PCDHGA2: variants seen among roughly 807,000 people sequenced by gnomAD.
PCDHGA2 encodes protocadherin gamma-A2.
In PCDHGA2, 40 loss-of-function variants were observed where a neutral mutation model predicts 59.2. The ratio of observed to expected loss-of-function variants is 0.68; its 90% confidence interval spans 0.52 to 0.88. The LOEUF is 0.88. PCDHGA2 is among the 40% of genes least tolerant of loss of function. The pLI is 0.00. For missense variants in PCDHGA2, 1,226 were observed against 1,204.0 expected, an observed-to-expected ratio of 1.02 and a Z score of -0.27; for synonymous variants, 560 against 526.0, an observed-to-expected ratio of 1.06 and a Z score of -0.89.
chr5:141,355,288 C>G lies in PCDHGA2; in HGVS notation c.2424+13893C>G, dbSNP rs73265823. 2,688 of 1,613,834 alleles carry G rather than the reference C, an allele frequency of 1.7e-3. 40 individuals carry two copies. In the African/African-American group the frequency reaches 0.032, roughly 19 times the overall value. On this transcript the variant is annotated intron_variant, in intron 1 of 3. Transcript: ENST00000394576. The stretch of plus-strand genomic sequence containing the variant: ...GGTTCTGGTGGAAATCAGGGCCGAA[C>G]AGATTCTCTACTCGGTGTTTGAGGA...
chr5:141,343,856 G>C (rs1588456766), intron 1 of PCDHGA2: 1 of 548,316 alleles, frequency 1.8e-6, no homozygotes. Flanking sequence ...AAAATGCAAA[G>C]AACCAGCAAA....
intron 1 of PCDHGA2, chr5:141,350,423 A>G: frequency 6.2e-7 from 1 of 1,607,140 alleles, no homozygotes; most frequent in East Asian, 2.2e-5. Context: ...TCTGGGGCTC[A>G]GTGTCCGGGA....
intron 1 of PCDHGA2, chr5:141,415,157 C>G: frequency 6.2e-7 from 1 of 1,613,864 alleles, no homozygotes. Context: ...CTCTCCGCCA[C>G]TGTCACGCTC....
intron 1 of PCDHGA2, chr5:141,408,969 C>T (rs1005367761): frequency 3.7e-6 from 6 of 1,613,594 alleles, no homozygotes; most frequent in Non-Finnish European, 5.1e-6. Context: ...GAAAATCTGC[C>T]CCCTGGGTCC....
In PCDHGA2 at chr5:141,485,219, A is replaced by C. The variant is rs954128321; in HGVS notation, c.2425-9588A>C. 20 of 1,613,930 alleles carry C rather than the reference A, an allele frequency of 1.2e-5. No individual in the cohort carries two copies. The highest frequency in any genetic ancestry group is 1.6e-5 in the Non-Finnish European group (19 of 1,179,944). On this transcript the variant is annotated intron_variant, in intron 1 of 3. Coordinates refer to ENST00000394576, the MANE Select transcript of PCDHGA2 (RefSeq NM_018915.4). The surrounding 1 kb of genome is among the most constrained non-coding windows in gnomAD (Gnocchi z 5.7). The stretch of plus-strand genomic sequence containing the variant: ...CTGGACAGAAATCTGGCGGTGGGCT[A>C]CCCTTTTGTTCCTCTTTTACCACCT...
intron 1 of PCDHGA2, chr5:141,384,982 G>A: frequency 6.2e-7 from 1 of 1,614,144 alleles, no homozygotes; most frequent in South Asian, 1.1e-5. Context: ...GTACCTGGTG[G>A]TGGCGGTGGC....
At position 141,340,083 on chromosome 5, in the gene PCDHGA2, T is replaced by A; in HGVS notation, c.1112T>A (p.Val371Glu). 6.2e-7 allele frequency: 1 copy of A among 1,614,076 alleles called. No individual in the cohort carries two copies. The highest frequency in any genetic ancestry group is 1.1e-5 in the South Asian group (1 of 91,080). ...GGAACCATAATTGGGCTTTTTAATG[T>A]ACATGATAGAGACTCTGGGCAGAAC... The part of the protein sequence containing the change: ...LPGTIIGLFN[V>E]HDRDSGQNAF... Residue 371 changes from valine (V) to glutamate (E), a missense_variant, in exon 1 of 4, where the codon GTA becomes GAA. By Grantham distance (121) the Val-to-Glu change is moderately radical. Coordinates refer to ENST00000394576, the MANE Select transcript of PCDHGA2 (RefSeq NM_018915.4).
chr5:141,470,855 G>A (rs2099242095), intron 1 of PCDHGA2, among the ~76,000 whole-genome samples: 3 of 151,856 alleles, frequency 2.0e-5, no homozygotes, highest in Admixed American at 2.0e-4. Context: ...GCTCAGATAA[G>A]TTTTTTGTTT....
At chr5:141,508,662 T>G (rs2099870759) in intron 3 of PCDHGA2, among the ~76,000 whole-genome samples, 1 of 152,122 alleles carries the variant, frequency 6.6e-6, no homozygotes, top group Non-Finnish European at 1.5e-5. Context: ...CCTGTCATTC[T>G]GTCTCTGCCT....
In PCDHGA2 at chr5:141,486,043, A is replaced by G. The variant is rs1193580610; in HGVS notation, c.2425-8764A>G. 6.2e-7 allele frequency: 1 copy of G among 1,614,050 alleles called. No homozygotes were observed. Among genetic ancestry groups the G allele is most frequent in the African/African-American group, 1.3e-5 (1 of 74,918 alleles). ...GTGGTCATACCCCTGATCGTGTAAG[A>G]AACCTCTTTAGCCTGCACCCCACTA... On this transcript the variant is annotated intron_variant, in intron 1 of 3. Transcript: ENST00000394576. This position sits in a 1 kb window ranked among gnomAD's most constrained non-coding sequence, Gnocchi z 5.0.
chr5:141,384,293 A>G, intron 1 of PCDHGA2: 1 of 1,613,660 alleles, frequency 6.2e-7, no homozygotes, highest in Non-Finnish European at 8.5e-7. Flanking sequence ...GCTGAGAACA[A>G]CCCCAGAGGG....
At chr5:141,366,700 T>C in intron 1 of PCDHGA2, 1 of 1,614,248 alleles carries the variant, frequency 6.2e-7, no homozygotes, top group Non-Finnish European at 8.5e-7. Context: ...AAAGCGAGCC[T>C]CTTCTGATGT....
At chr5:141,441,916 C>T (rs1340767725) in intron 1 of PCDHGA2, 9 of 352,248 alleles carry the variant, frequency 2.6e-5, no homozygotes, top group Non-Finnish European at 4.9e-5. Context: ...AGATGTGAGA[C>T]ACAATGCGTG....
rs529134948 is a variant in PCDHGA2, at chr5:141,368,813, A to C, written c.2424+27418A>C. Among the ~76,000 whole-genome samples, 5 of 152,322 alleles carry C rather than the reference A, an allele frequency of 3.3e-5. No individual in the cohort carries two copies. In the East Asian group the frequency reaches 7.7e-4, roughly 24 times the overall value. ...ATTTTTCATACTAATTGAAGTGTTC[A>C]TACAATGAACACTTGGCATTGTGTT... On this transcript the variant is annotated intron_variant, in intron 1 of 3. Coordinates refer to ENST00000394576, the MANE Select transcript of PCDHGA2 (RefSeq NM_018915.4).
At chr5:141,393,512 G>A in intron 1 of PCDHGA2, 1 of 1,613,996 alleles carries the variant, frequency 6.2e-7, no homozygotes, top group Non-Finnish European at 8.5e-7. Flanking sequence ...TGACAGTGTT[G>A]GATACAAATG....
intron 1 of PCDHGA2, chr5:141,389,851 C>T (rs375044667): frequency 6.2e-7 from 1 of 1,614,054 alleles, no homozygotes; most frequent in Non-Finnish European, 8.5e-7. Context: ...TCGGCCACTG[C>T]CACGTTGCAC....
In PCDHGA2 at chr5:141,345,914, C is replaced by T. The variant is rs199541335; in HGVS notation, c.2424+4519C>T. 8.1e-5 allele frequency: 131 copies of T among 1,613,326 alleles called. No homozygotes were observed. The Middle Eastern group carries it at 1.7e-3, about 21-fold the overall frequency. ...TGGGTCTGCACACGGGCGAGGTGCGCACGGCGCGAGCCCTGCTGGACAGAG... is the reference window on the plus strand; with the variant it reads ...TGGGTCTGCACACGGGCGAGGTGCGTACGGCGCGAGCCCTGCTGGACAGAG... On this transcript the variant is annotated intron_variant, in intron 1 of 3. Transcript: ENST00000394576.
Position 141,432,208 on chromosome 5 carries a change from G to A in PCDHGA2, c.2425-62599G>A, listed in dbSNP as rs150518735. The A allele has an allele frequency of 3.4e-5, 55 of 1,614,196 alleles. No individual in the cohort carries two copies. In the Middle Eastern group the frequency reaches 8.2e-4, roughly 24 times the overall value. Reference sequence around the variant, plus strand: ...CCGCCCACGACCCCGACTGTGAAGAGAACGCCCAGATCACTTATTCCCTGG... The same window carrying A: ...CCGCCCACGACCCCGACTGTGAAGAAAACGCCCAGATCACTTATTCCCTGG... On this transcript the variant is annotated intron_variant, in intron 1 of 3. Transcript: ENST00000394576. The surrounding 1 kb of genome is among the most constrained non-coding windows in gnomAD (Gnocchi z 6.0).
At chr5:141,404,234 G>C (rs2094500908) in intron 1 of PCDHGA2, 1 of 1,613,652 alleles carries the variant, frequency 6.2e-7, no homozygotes, top group South Asian at 1.1e-5. Flanking sequence ...AACAGACAGA[G>C]GAACTCCGCC....
Sources: allele counts gnomAD v4.1 joint callset (sites outside exome capture counted in the v4.1 genomes callset), GRCh38; gene constraint gnomAD v4.1.1; non-coding constraint Gnocchi (gnomAD v3.1); transcripts MANE v1.5; gene names NCBI Gene and HGNC (gene_info 2026-07-23, HGNC 2026-07-21).